VAC14: variants seen among roughly 807,000 people sequenced by gnomAD.
The protein encoded by VAC14 is VAC14 component of PIKFYVE complex.
VAC14 carries 47 observed loss-of-function variants against 85.3 expected under a neutral mutation model. The observed-to-expected ratio is 0.55, with a 90% CI of 0.44 to 0.70. The LOEUF is 0.70. Among genes scored for constraint, VAC14 ranks in the 30% least tolerant of loss-of-function variants. The pLI, the probability that VAC14 is intolerant of heterozygous loss-of-function variation, is 0.00. For synonymous variants in VAC14, 447 were observed against 430.5 expected (o/e 1.04, Z -0.47); for missense variants, 861 against 1,004.3 (o/e 0.86, Z 1.93).
At chr16:70,731,039 AGCCTCTGGGGCTG>A (rs1471756321) in intron 14 of VAC14, among the ~76,000 whole-genome samples, 2 of 152,210 alleles carry the variant, frequency 1.3e-5, no homozygotes, top group Non-Finnish European at 2.9e-5. Context: ...AGATGCCTCC[AGCCTCTGGGGCTG>A]GTGCCCTGGC....
intron 1 of VAC14, among the ~76,000 whole-genome samples, chr16:70,797,983 T>C (rs1396940451): frequency 6.6e-6 from 1 of 152,234 alleles, no homozygotes; most frequent in African/African-American, 2.4e-5. Context: ...CTTTTCTTTA[T>C]AAATTACCCA....
chr16:70,784,541 T>C (rs1231090184), intron 4 of VAC14, among the ~76,000 whole-genome samples: 1 of 152,160 alleles, frequency 6.6e-6, no homozygotes, highest in Non-Finnish European at 1.5e-5. Flanking sequence ...CAAGCTTCTT[T>C]GCTCTAGGTG....
intron 9 of VAC14, chr16:70,778,287 C>T (rs2033626306): frequency 6.6e-6 from 1 of 152,162 alleles, no homozygotes; most frequent in East Asian, 1.9e-4. Context: ...AATGCTCCAG[C>T]TGGTAGGGAT....
At chr16:70,703,495 T>A (rs1433616656) in intron 14 of VAC14, among the ~76,000 whole-genome samples, 1 of 152,162 alleles carries the variant, frequency 6.6e-6, no homozygotes, top group Non-Finnish European at 1.5e-5. Context: ...GCAGGGGGGA[T>A]GTGGCCAGAA....
At chr16:70,702,580 G>A (rs906313944) in intron 14 of VAC14, among the ~76,000 whole-genome samples, 1 of 152,204 alleles carries the variant, frequency 6.6e-6, no homozygotes, top group African/African-American at 2.4e-5. Flanking sequence ...GGAGGTGGGG[G>A]CCGCATCCTG....
chr16:70,800,949 G>A lies in VAC14; in HGVS notation c.-49C>T, dbSNP rs752864527. Reference sequence around the variant, plus strand: ...GACTCCTTAGCCCGCGGCTGCCGGGGCCGCGCCGGGGCCAGGGGAGTCTGC... The same window carrying A: ...GACTCCTTAGCCCGCGGCTGCCGGGACCGCGCCGGGGCCAGGGGAGTCTGC... On this transcript the variant is annotated 5_prime_UTR_variant, in exon 1 of 19. Coordinates refer to ENST00000261776, the MANE Select transcript of VAC14 (RefSeq NM_018052.5). The A allele has an allele frequency of 1.4e-6, 2 of 1,432,914 alleles. No homozygotes were observed. Among genetic ancestry groups the A allele is most frequent in the South Asian group, 1.3e-5 (1 of 77,706 alleles). 88.8% of individuals were successfully genotyped at this position (1,432,914 alleles called of 1,614,324 possible). A position where few individuals can be genotyped will look rare whatever the true frequency, so the allele number is the denominator to read the frequency against.
chr16:70,800,974 C>A lies in VAC14; in HGVS notation c.-74G>T, dbSNP rs2034777265. ...GCCGCGCCGGGGCCAGGGGAGTCTG[C>A]GGCTCCGCTCTGCCCCCGGCGCCGG... On this transcript the variant is annotated 5_prime_UTR_variant, in exon 1 of 19. Transcript: ENST00000261776. 2 of 1,090,072 alleles carry A rather than the reference C, an allele frequency of 1.8e-6. No homozygotes were observed. The highest frequency in any genetic ancestry group is 2.5e-6 in the Non-Finnish European group (2 of 793,280). 67.5% of individuals were successfully genotyped at this position (1,090,072 alleles called of 1,614,324 possible). A position where few individuals can be genotyped will look rare whatever the true frequency, so the allele number is the denominator to read the frequency against.
intron 14 of VAC14, chr16:70,716,554 C>G (rs2054170854): frequency 6.6e-6 from 1 of 152,434 alleles, no homozygotes; most frequent in South Asian, 2.1e-4. Flanking sequence ...GCCTCAGTTT[C>G]TTTCTGTATG....
intron 4 of VAC14, 156 bp downstream of exon 4, chr16:70,784,620 T>TAAG (rs2033963522): frequency 1.3e-6 from 1 of 788,126 alleles, no homozygotes; most frequent in Non-Finnish European, 2.1e-6. Flanking sequence ...TTGAGCTCGA[T>TAAG]ATTCTTGTCA....
intron 14 of VAC14, among the ~76,000 whole-genome samples, chr16:70,702,883 C>T (rs1269311106): frequency 2.0e-5 from 3 of 152,220 alleles, no homozygotes; most frequent in Non-Finnish European, 4.4e-5. Flanking sequence ...TAGCTCCACT[C>T]GCAGTGTCAT....
chr16:70,705,628 T>C (rs2053906101), intron 14 of VAC14, among the ~76,000 whole-genome samples: 1 of 152,186 alleles, frequency 6.6e-6, no homozygotes, highest in Non-Finnish European at 1.5e-5. Flanking sequence ...ACAGCAAGGT[T>C]GAGAGATGAG....
At chr16:70,784,722 G>A in intron 4 of VAC14, 54 bp downstream of exon 4, 1 of 1,523,938 alleles carries the variant, frequency 6.6e-7, no homozygotes, top group Middle Eastern at 1.7e-4. Flanking sequence ...AAGCTTTACA[G>A]ACAGACGGGA....
At chr16:70,790,735 A>T (rs1236445660) in intron 1 of VAC14, among the ~76,000 whole-genome samples, 2 of 151,928 alleles carry the variant, frequency 1.3e-5, no homozygotes. Flanking sequence ...GGCCTCCCCC[A>T]CCAGAGTCCT....
chr16:70,706,134 C>G (rs1481571651), intron 14 of VAC14, among the ~76,000 whole-genome samples: 2 of 152,222 alleles, frequency 1.3e-5, no homozygotes, highest in East Asian at 3.9e-4. Context: ...GCCTGCAAGC[C>G]CAGCTCTTTG....
At chr16:70,782,158 G>T (rs1481729194) in intron 7 of VAC14, among the ~76,000 whole-genome samples, 155 bp from the exon 8 acceptor site, 1 of 152,240 alleles carries the variant, frequency 6.6e-6, no homozygotes, top group Non-Finnish European at 1.5e-5. Context: ...TGTGTGCTTT[G>T]CCTTCCAAAG....
intron 14 of VAC14, among the ~76,000 whole-genome samples, chr16:70,725,731 C>T (rs554788395): frequency 1.3e-5 from 2 of 152,184 alleles, no homozygotes; most frequent in Non-Finnish European, 2.9e-5. Context: ...GTCAGGATCT[C>T]GTGAAAGAAG....
chr16:70,781,383 T>C (rs991244921), intron 8 of VAC14, among the ~76,000 whole-genome samples: 4 of 152,218 alleles, frequency 2.6e-5, no homozygotes, highest in Admixed American at 6.5e-5. Context: ...AATGGGTTAA[T>C]ATAGAGTGGT....
intron 14 of VAC14, among the ~76,000 whole-genome samples, chr16:70,721,608 T>C (rs2054294105): frequency 6.6e-6 from 1 of 152,070 alleles, no homozygotes; most frequent in African/African-American, 2.4e-5. Context: ...GCTGAGCCCC[T>C]GGCTGCCAGG....
intron 17 of VAC14, among the ~76,000 whole-genome samples, chr16:70,694,331 C>T (rs1011074162): frequency 3.9e-5 from 6 of 152,172 alleles, no homozygotes; most frequent in Non-Finnish European, 8.8e-5. Context: ...CTCAGGCGGC[C>T]GTGTGGGTGC....
Sources: gnomAD v4.1 joint callset for allele counts (sites outside exome capture counted in the v4.1 genomes callset) on GRCh38, gnomAD v4.1.1 for gene constraint, MANE v1.5 for transcripts, NCBI Gene and HGNC (gene_info 2026-07-23, HGNC 2026-07-21) for gene names.